Variants in SAP130 observed in about 807,000 individuals in gnomAD.
The protein encoded by SAP130 is histone deacetylase complex subunit SAP130.
SAP130 carries 16 observed loss-of-function variants against 103.2 expected under a neutral mutation model. That is an observed-to-expected ratio of 0.16 (90% CI 0.10 to 0.24). The LOEUF (loss-of-function observed/expected upper bound fraction) is 0.24. Ranked by LOEUF, SAP130 falls within the 10% of genes least tolerant of loss-of-function variation. The pLI, the probability that SAP130 is intolerant of heterozygous loss-of-function variation, is 1.00. For missense variants in SAP130, 990 were observed against 1,359.7 expected (o/e 0.73, Z 4.28); for synonymous variants, 477 against 497.0 (o/e 0.96, Z 0.53).
At chr2:127,963,813 T>A (rs572242148) in intron 15 of SAP130, among the ~76,000 whole-genome samples, 2 of 152,334 alleles carry the variant, frequency 1.3e-5, no homozygotes, top group African/African-American at 4.8e-5. Flanking sequence ...ACGTAAGATG[T>A]GACTTGCTCC....
chr2:127,964,219 C>T (rs909803606), intron 15 of SAP130, among the ~76,000 whole-genome samples: 11 of 152,102 alleles, frequency 7.2e-5, no homozygotes, highest in South Asian at 6.2e-4. Flanking sequence ...TTAGGCTGGG[C>T]GCAGTGGCTC....
intron 2 of SAP130, among the ~76,000 whole-genome samples, chr2:128,018,882 A>G (rs1684966635): frequency 6.6e-6 from 1 of 152,062 alleles, no homozygotes; most frequent in South Asian, 2.1e-4. Context: ...GATCATTTGA[A>G]GTCAGGAGTT....
intron 14 of SAP130, among the ~76,000 whole-genome samples, chr2:127,983,964 A>G (rs1197050857): frequency 6.6e-6 from 1 of 151,492 alleles, no homozygotes; most frequent in Non-Finnish European, 1.5e-5. Context: ...TTACAATATT[A>G]TAACAAACTC....
rs773197755 is a variant in SAP130, at chr2:128,014,856, C to T, written c.566G>A (p.Arg189His). The T allele has an allele frequency of 3.0e-5, 48 of 1,613,972 alleles. No homozygotes were observed. Among genetic ancestry groups the T allele is most frequent in the African/African-American group, 4.0e-5 (3 of 74,882 alleles). ...AAGAGGGGGCCCAGGAGCATTGCTG[C>T]GGATGATAGACATTTGCACATTTGT... is the stretch of plus-strand genomic sequence containing the variant. ...MTTNVQMSII[R>H]SNAPGPPLHI... The change falls in exon 5 of 21, where the codon CGC becomes CAC. Residue 189 changes from arginine (R) to histidine (H), a missense_variant. Arg to His is a conservative substitution (Grantham distance 29). Around this residue, in one of 6 missense-constraint regions of SAP130, gnomAD observed 336 missense variants for 520.1 expected, o/e 0.65. Coordinates refer to ENST00000643581, the MANE Select transcript of SAP130 (RefSeq NM_001330301.2).
chr2:128,005,047 T>C (rs1159602648), intron 7 of SAP130, among the ~76,000 whole-genome samples: 1 of 152,186 alleles, frequency 6.6e-6, no homozygotes, highest in Non-Finnish European at 1.5e-5. Context: ...AGATGAACAC[T>C]GTACCATGAA....
Position 128,000,325 on chromosome 2 carries a change from C to T in SAP130, c.999G>A (p.Gln333=). The T allele has an allele frequency of 6.2e-7, 1 of 1,614,194 alleles. No individual in the cohort carries two copies. Among genetic ancestry groups the T allele is most frequent in the East Asian group, 2.2e-5 (1 of 44,886 alleles). The change falls in exon 8 of 21, where the codon CAG becomes CAA. Residue 333 remains glutamine (Q), a synonymous_variant. Transcript: ENST00000643581. ...SHPALGTPKQ[Q]LHTMAQKTIF... ...GTTTTACCTGAGCCATTGTATGAAG[C>T]TGCTGTTTTGGCGTCCCTAATGCAG... is the stretch of plus-strand genomic sequence containing the variant.
At chr2:127,967,835 T>C (rs1339600402) in intron 15 of SAP130, among the ~76,000 whole-genome samples, 1 of 152,190 alleles carries the variant, frequency 6.6e-6, no homozygotes, top group Non-Finnish European at 1.5e-5. Flanking sequence ...ACAACAGTGA[T>C]TGTACATTCT....
At chr2:128,010,870 T>C (rs1053253762) in intron 6 of SAP130, among the ~76,000 whole-genome samples, 1 of 30,606 alleles carries the variant, frequency 3.3e-5, no homozygotes, top group Non-Finnish European at 7.3e-5. Flanking sequence ...CTTGAAAAAA[T>C]AGAAAAGAAA....
At chr2:128,024,178 A>G (rs1386466515) in intron 2 of SAP130, among the ~76,000 whole-genome samples, 1 of 152,146 alleles carries the variant, frequency 6.6e-6, no homozygotes, top group Non-Finnish European at 1.5e-5. Context: ...AAATAAATTT[A>G]TAACAAAAAC....
Position 128,000,347 on chromosome 2 carries a change from G to A in SAP130, c.977C>T (p.Ala326Val). ...TTRITLPSHP[A>V]LGTPKQQLHT... ...AAGCTGCTGTTTTGGCGTCCCTAAT[G>A]CAGGGTGAGATGGTAGTGTGATTCT... The change falls in exon 8 of 21, where the codon GCA (alanine) becomes GTA (valine). Residue 326 changes from alanine (A) to valine (V), a missense_variant. Ala to Val is a moderately conservative substitution (Grantham distance 64). This residue lies in a region of SAP130 where 336 missense variants were observed against 520.1 expected (regional missense o/e 0.65). Transcript: ENST00000643581. The A allele has an allele frequency of 1.2e-6, 2 of 1,614,186 alleles. No individual in the cohort carries two copies. Among genetic ancestry groups the A allele is most frequent in the Non-Finnish European group, 1.7e-6 (2 of 1,180,032 alleles).
chr2:127,942,856 C>T lies in SAP130; in HGVS notation c.2902-319G>A, dbSNP rs1006316770. Among the ~76,000 whole-genome samples the T allele has an allele frequency of 6.6e-6, 1 of 152,072 alleles. No homozygotes were observed. Among genetic ancestry groups the T allele is most frequent in the African/African-American group, 2.4e-5 (1 of 41,396 alleles). On this transcript the variant is annotated intron_variant, in intron 19 of 20. Transcript: ENST00000643581. The surrounding 1 kb of genome is among the most constrained non-coding windows in gnomAD (Gnocchi z 4.8). ...ATACAAAATTAGCTGGGCGTGGTGGCGCATGCCTGCAATCCCAGTTACTCG... is the reference window on the plus strand; with the variant it reads ...ATACAAAATTAGCTGGGCGTGGTGGTGCATGCCTGCAATCCCAGTTACTCG...
chr2:127,947,767 T>TGTGA (rs1553500429), intron 18 of SAP130, among the ~76,000 whole-genome samples: 13 of 147,250 alleles, frequency 8.8e-5, no homozygotes, highest in African/African-American at 3.2e-4. Flanking sequence ...TGTGTGTCTG[T>TGTGA]GTGTGTGTGT....
chr2:127,954,762 G>C (rs903381337), intron 16 of SAP130, among the ~76,000 whole-genome samples: 2 of 152,130 alleles, frequency 1.3e-5, no homozygotes, highest in African/African-American at 4.8e-5. Flanking sequence ...TCATGATTTT[G>C]GCCAGAAATT....
chr2:128,000,120 T>G lies in SAP130; in HGVS notation c.1044A>C (p.Pro348=). The G allele has an allele frequency of 6.2e-7, 1 of 1,614,204 alleles. No homozygotes were observed. The highest frequency in any genetic ancestry group is 8.5e-7 in the Non-Finnish European group (1 of 1,180,020). Residue 348 remains proline, a synonymous_variant, in exon 9 of 21, where the codon CCA becomes CCC. Coordinates refer to ENST00000643581, the MANE Select transcript of SAP130 (RefSeq NM_001330301.2). ...AQKTIFSTGT[P]VAAATVAPIL... Reference sequence around the variant, plus strand: ...TAGGTGCTACTGTGGCTGCAGCCACTGGCGTGCCAGTACTGAAGATTGTTT... The same window carrying G: ...TAGGTGCTACTGTGGCTGCAGCCACGGGCGTGCCAGTACTGAAGATTGTTT...
intron 13 of SAP130, among the ~76,000 whole-genome samples, chr2:127,987,886 T>C (rs569237588): frequency 3.3e-5 from 5 of 152,190 alleles, no homozygotes; most frequent in African/African-American, 1.2e-4. Context: ...CTGGTGAGCA[T>C]GAGATCATAA....
At chr2:127,964,727 G>A (rs912275905) in intron 15 of SAP130, among the ~76,000 whole-genome samples, 4 of 152,118 alleles carry the variant, frequency 2.6e-5, no homozygotes, top group African/African-American at 7.2e-5. Flanking sequence ...GCTGGGCGTG[G>A]TGGCTCACGC....
chr2:128,022,783 T>C (rs1685243025), intron 2 of SAP130, among the ~76,000 whole-genome samples: 1 of 151,888 alleles, frequency 6.6e-6, no homozygotes, highest in African/African-American at 2.4e-5. Context: ...TTTCCCGTCT[T>C]AAAAAAAATC....
Position 127,986,990 on chromosome 2 carries a change from C to T in SAP130, c.1781-28G>A. The T allele has an allele frequency of 1.3e-6, 2 of 1,590,522 alleles. No homozygotes were observed. Among genetic ancestry groups the T allele is most frequent in the Admixed American group, 1.7e-5 (1 of 58,352 alleles). ...ACAGGAGAGAGGCAACAGGAAAGAACATTGAAGAGAGGGAAACAAAATGCC... is the reference window on the plus strand; with the variant it reads ...ACAGGAGAGAGGCAACAGGAAAGAATATTGAAGAGAGGGAAACAAAATGCC... On this transcript the variant is annotated intron_variant, in intron 13 of 20. Transcript: ENST00000643581. This position sits in a 1 kb window ranked among gnomAD's most constrained non-coding sequence, Gnocchi z 4.7.
At chr2:127,990,970 G>T (rs1682754863) in intron 12 of SAP130, among the ~76,000 whole-genome samples, 2 of 151,306 alleles carry the variant, frequency 1.3e-5, no homozygotes, top group African/African-American at 4.8e-5. Context: ...AAAGAAACAG[G>T]CCAGGCACGG....
Sources: allele counts gnomAD v4.1 joint callset (sites outside exome capture counted in the v4.1 genomes callset), GRCh38; gene constraint gnomAD v4.1.1; regional missense constraint gnomAD v4.1.1; non-coding constraint Gnocchi (gnomAD v3.1); transcripts MANE v1.5; gene names NCBI Gene and HGNC (gene_info 2026-07-23, HGNC 2026-07-21).